The following TFB2M variants were observed in gnomAD, a reference collection of about 807,000 sequenced individuals.
TFB2M encodes the protein transcription factor B2, mitochondrial.
TFB2M carries 44 observed loss-of-function variants against 41.3 expected under a neutral mutation model. That is an observed-to-expected ratio of 1.07 (90% CI 0.84 to 1.37). The LOEUF is 1.37. Among genes scored for constraint, TFB2M ranks in the 40% most tolerant of loss-of-function variants. TFB2M has a pLI of 0.00. For missense variants in TFB2M, 496 were observed against 490.2 expected (o/e 1.01, Z -0.11); for synonymous variants, 188 against 176.8 (o/e 1.06, Z -0.50).
Position 246,566,215 on chromosome 1 carries a change from T to G in TFB2M, c.-77A>C. The G allele has an allele frequency of 6.8e-7, 1 of 1,471,606 alleles. No homozygotes were observed. The highest frequency in any genetic ancestry group is 9.2e-7 in the Non-Finnish European group (1 of 1,089,148). 91.2% of individuals were successfully genotyped at this position (1,471,606 alleles called of 1,614,324 possible). A position where few individuals can be genotyped will look rare whatever the true frequency, so the allele number is the denominator to read the frequency against. The stretch of plus-strand genomic sequence containing the variant: ...TGAACCCCACGCAGGGTATCCCACG[T>G]GGAACATTTTCTGGCGTCCGGGCCA... On this transcript the variant is annotated 5_prime_UTR_variant, in exon 1 of 8. Transcript: ENST00000366514.
intron 6 of TFB2M, 58 bp downstream of exon 6, chr1:246,548,486 AT>A (rs200227260): frequency 0.029 from 34,980 of 1,224,372 alleles, 64 homozygotes; most frequent in African/African-American, 0.052. Flanking sequence ...TCCTAAAAAA[AT>A]AAAATAAAAA....
chr1:246,556,362 T>C (rs973807454), intron 4 of TFB2M, among the ~76,000 whole-genome samples: 3 of 152,148 alleles, frequency 2.0e-5, no homozygotes, highest in Non-Finnish European at 4.4e-5. Context: ...TGGAGACAGA[T>C]GATGGTAATG....
intron 6 of TFB2M, among the ~76,000 whole-genome samples, chr1:246,545,947 C>T (rs576524488): frequency 2.0e-4 from 31 of 152,196 alleles, no homozygotes; most frequent in African/African-American, 5.5e-4. Flanking sequence ...CACAGAACAT[C>T]CTCTGTCTGA....
At chr1:246,561,032 G>T (rs540699603) in intron 2 of TFB2M, among the ~76,000 whole-genome samples, 2 of 152,310 alleles carry the variant, frequency 1.3e-5, no homozygotes, top group South Asian at 2.1e-4. Context: ...CAGTTTTCAG[G>T]AACAAACTTT....
chr1:246,552,400 T>A (rs571072304), intron 4 of TFB2M, among the ~76,000 whole-genome samples: 11 of 152,280 alleles, frequency 7.2e-5, no homozygotes, highest in Non-Finnish European at 1.2e-4. Flanking sequence ...TTACAGAGAA[T>A]TGAACTAGAG....
At chr1:246,546,983 A>AT (rs74163461) in intron 6 of TFB2M, among the ~76,000 whole-genome samples, 32,902 of 126,974 alleles carry the variant, frequency 0.26, 4,644 homozygotes, top group East Asian at 0.62. Flanking sequence ...ACACACACAC[A>AT]TTTTTTTTTT....
rs1328223274 is a variant in TFB2M, at chr1:246,566,238, C to A, written c.-100G>T. The stretch of plus-strand genomic sequence containing the variant: ...CGTGGAACATTTTCTGGCGTCCGGG[C>A]CAGGTCAAGCGGAAGTAAACACTAG... On this transcript the variant is annotated 5_prime_UTR_variant, in exon 1 of 8. Coordinates refer to ENST00000366514, the MANE Select transcript of TFB2M (RefSeq NM_022366.3). 1.0e-5 allele frequency: 13 copies of A among 1,255,950 alleles called. No individual in the cohort carries two copies. The highest frequency in any genetic ancestry group is 3.0e-5 in the South Asian group (2 of 67,604). 77.8% of individuals were successfully genotyped at this position (1,255,950 alleles called of 1,614,324 possible). A position where few individuals can be genotyped will look rare whatever the true frequency, so the allele number is the denominator to read the frequency against.
chr1:246,565,342 T>C lies in TFB2M; in HGVS notation c.313+484A>G, dbSNP rs569292554. ...TGTAAAGTGCAAGCTGCTACAGAAA[T>C]ACTTTGTGGTGTCATTAACGATACA... On this transcript the variant is annotated intron_variant, in intron 1 of 7. Transcript: ENST00000366514. Among the ~76,000 whole-genome samples the C allele has an allele frequency of 2.6e-5, 4 of 152,354 alleles. No individual in the cohort carries two copies. In the South Asian group the frequency reaches 8.3e-4, roughly 32 times the overall value.
intron 4 of TFB2M, among the ~76,000 whole-genome samples, chr1:246,555,917 A>G (rs1415054244): frequency 6.6e-6 from 1 of 151,974 alleles, no homozygotes; most frequent in Non-Finnish European, 1.5e-5. Context: ...TAGCCTCCCA[A>G]GTAGCTGGGA....
At chr1:246,548,800 A>C (rs746116929) in intron 5 of TFB2M, among the ~76,000 whole-genome samples, 193 bp from the exon 6 acceptor site, 1 of 152,236 alleles carries the variant, frequency 6.6e-6, no homozygotes, top group Non-Finnish European at 1.5e-5. Context: ...GAGGATCAAA[A>C]GTCTACCCAA....
intron 4 of TFB2M, among the ~76,000 whole-genome samples, chr1:246,552,742 ATAAT>A (rs1659219930): frequency 6.6e-6 from 1 of 152,058 alleles, no homozygotes; most frequent in African/African-American, 2.4e-5. Context: ...AAAAATAATT[ATAAT>A]ACCCCTTAAA....
intron 5 of TFB2M, among the ~76,000 whole-genome samples, chr1:246,550,609 C>T (rs970337462): frequency 6.6e-5 from 10 of 152,198 alleles, no homozygotes; most frequent in Non-Finnish European, 5.9e-5. Context: ...CAGGGCCAGG[C>T]GCAGTGGCTC....
Position 246,544,826 on chromosome 1 carries a change from GAT to G in TFB2M, c.859-147_859-146del, listed in dbSNP as rs551086491. The stretch of plus-strand genomic sequence containing the variant: ...TCACATTCTCTTTTTCTTTCTTGGA[GAT>G]AGAGTCTCACTCTGTCGCCCAGGCT... On this transcript the variant is annotated intron_variant, in intron 6 of 7. Coordinates refer to ENST00000366514, the MANE Select transcript of TFB2M (RefSeq NM_022366.3). The G allele has an allele frequency of 2.2e-4, 149 of 682,812 alleles. No homozygotes were observed. The African/African-American group carries it at 2.3e-3, about 10-fold the overall frequency. The allele number at this position is 682,812 out of a possible 1,614,324, so 42.3% of individuals were successfully genotyped here.
In TFB2M at chr1:246,559,987, C is replaced by T. The variant is rs143236009; in HGVS notation, c.403-2453G>A. Reference sequence around the variant, plus strand: ...TTGTCAGTCAACACGCATGGCAAGGCTGTCTAACCTGTGGCCTGAGGGCCG... The same window carrying T: ...TTGTCAGTCAACACGCATGGCAAGGTTGTCTAACCTGTGGCCTGAGGGCCG... On this transcript the variant is annotated intron_variant, in intron 2 of 7. Coordinates refer to ENST00000366514, the MANE Select transcript of TFB2M (RefSeq NM_022366.3). Among the ~76,000 whole-genome samples, 199 of 152,344 alleles carry T rather than the reference C, an allele frequency of 1.3e-3. 1 individual carries two copies. Among genetic ancestry groups the T allele is most frequent in the African/African-American group, 4.6e-3 (190 of 41,582 alleles).
chr1:246,550,353 G>A (rs547021116), intron 5 of TFB2M, among the ~76,000 whole-genome samples: 21 of 152,236 alleles, frequency 1.4e-4, no homozygotes, highest in African/African-American at 5.1e-4. Flanking sequence ...TCTGGGAATG[G>A]AGAAAAATGA....
At chr1:246,559,656 T>C (rs544654843) in intron 2 of TFB2M, among the ~76,000 whole-genome samples, 6 of 152,270 alleles carry the variant, frequency 3.9e-5, no homozygotes, top group Non-Finnish European at 8.8e-5. Context: ...TCATACACAT[T>C]TGGTCACATT....
Position 246,564,375 on chromosome 1 carries a change from T to A in TFB2M, c.373A>T (p.Ser125Cys). 1 of 1,614,218 alleles carries A rather than the reference T, an allele frequency of 6.2e-7. No individual in the cohort carries two copies. Among genetic ancestry groups the A allele is most frequent in the Non-Finnish European group, 8.5e-7 (1 of 1,180,032 alleles). The stretch of plus-strand genomic sequence containing the variant: ...AAATGTGGAATAAAAGTTTTGTCAC[T>A]TTCGAGCGCAACCACTTTGGCACCA... ...EAGAKVVALE[S>C]DKTFIPHLES... is the part of the protein sequence containing the mutation. Residue 125 changes from serine to cysteine, a missense_variant, in exon 2 of 8, where the codon AGT becomes TGT. Coordinates refer to ENST00000366514, the MANE Select transcript of TFB2M (RefSeq NM_022366.3).
At chr1:246,551,447 C>A in intron 4 of TFB2M, 145 bp from the exon 5 acceptor site, 1 of 610,514 alleles carries the variant, frequency 1.6e-6, no homozygotes, top group Non-Finnish European at 2.9e-6. Flanking sequence ...CCGGGTGCAG[C>A]GGTGCACGCC....
At chr1:246,545,086 G>T (rs142603484) in intron 6 of TFB2M, among the ~76,000 whole-genome samples, 1 of 152,084 alleles carries the variant, frequency 6.6e-6, no homozygotes, top group African/African-American at 2.4e-5. Flanking sequence ...GATTACAGGC[G>T]TGAGCCACCG....
Sources: gnomAD v4.1 joint callset for allele counts (sites outside exome capture counted in the v4.1 genomes callset) on GRCh38, gnomAD v4.1.1 for gene constraint, MANE v1.5 for transcripts, NCBI Gene and HGNC (gene_info 2026-07-23, HGNC 2026-07-21) for gene names.